NBAS: variants seen among roughly 807,000 people sequenced by gnomAD.
NBAS encodes the protein NBAS subunit of NRZ tethering complex.
NBAS carries 219 observed loss-of-function variants against 302.5 expected under a neutral mutation model. The observed-to-expected ratio is 0.72, with a 90% CI of 0.65 to 0.81. The LOEUF (loss-of-function observed/expected upper bound fraction) is 0.81. NBAS is among the 30% of genes least tolerant of loss of function. NBAS has a pLI of 0.00. For synonymous variants in NBAS, 1,118 were observed against 1,021.6 expected, an observed-to-expected ratio of 1.09 and a Z score of -1.80; for missense variants, 2,932 against 2,841.6, an observed-to-expected ratio of 1.03 and a Z score of -0.72.
chr2:14,989,882 A>G, the NBAS span, among the ~76,000 whole-genome samples: 1 of 152,336 alleles, frequency 6.6e-6, no homozygotes, highest in African/African-American at 2.4e-5. Flanking sequence ...ACACAAGGGA[A>G]TGAGTTAGCT....
chr2:15,400,144 T>C (rs904072644), intron 26 of NBAS, among the ~76,000 whole-genome samples: 1 of 151,684 alleles, frequency 6.6e-6, no homozygotes, highest in African/African-American at 2.4e-5. Flanking sequence ...AGTCCCGGGA[T>C]AATAGATGGA....
chr2:15,178,157 C>T (rs1345703396), intron 51 of NBAS: 4 of 470,298 alleles, frequency 8.5e-6, no homozygotes, highest in Non-Finnish European at 1.8e-5. Context: ...TAGAAGATAT[C>T]CTGCCACATT....
intron 41 of NBAS, among the ~76,000 whole-genome samples, chr2:15,290,344 T>C (rs1670253427): frequency 6.6e-6 from 1 of 152,224 alleles, no homozygotes; most frequent in Non-Finnish European, 1.5e-5. Flanking sequence ...AACACTGCTG[T>C]ATATTTTTCT....
intron 40 of NBAS, among the ~76,000 whole-genome samples, chr2:15,307,532 A>C (rs1297680729): frequency 3.3e-5 from 5 of 152,148 alleles, no homozygotes; most frequent in African/African-American, 1.2e-4. Context: ...TTAATTATCT[A>C]CTCTTAAAAT....
the NBAS span, among the ~76,000 whole-genome samples, chr2:14,954,485 C>A: frequency 6.6e-6 from 1 of 152,128 alleles, no homozygotes; most frequent in South Asian, 2.1e-4. Flanking sequence ...GGAAGCATCC[C>A]TTGTTAGTGA....
the NBAS span, among the ~76,000 whole-genome samples, chr2:15,015,896 A>G: frequency 5.9e-5 from 9 of 152,164 alleles, no homozygotes; most frequent in Non-Finnish European, 1.3e-4. Flanking sequence ...CTACCAAAAA[A>G]AAACTTTTAG....
At chr2:15,359,043 T>G (rs1414978240) in intron 32 of NBAS, among the ~76,000 whole-genome samples, 1 of 152,064 alleles carries the variant, frequency 6.6e-6, no homozygotes, top group African/African-American at 2.4e-5. Flanking sequence ...TCCACAGGAG[T>G]TTCCTGAGAA....
intron 44 of NBAS, among the ~76,000 whole-genome samples, chr2:15,245,844 A>G (rs1668074819): frequency 1.3e-5 from 2 of 152,260 alleles, no homozygotes; most frequent in South Asian, 4.2e-4. Flanking sequence ...AGTCTCTATT[A>G]GACACTCTGG....
At chr2:14,928,567 T>C in the NBAS span, among the ~76,000 whole-genome samples, 4 of 152,204 alleles carry the variant, frequency 2.6e-5, no homozygotes, top group African/African-American at 9.6e-5. Flanking sequence ...AAGAATGATT[T>C]TTATGAGTGA....
chr2:15,258,062 G>A (rs1411428801), intron 44 of NBAS, among the ~76,000 whole-genome samples: 1 of 152,112 alleles, frequency 6.6e-6, no homozygotes, highest in East Asian at 1.9e-4. Flanking sequence ...AATGTTGCGG[G>A]AACTCAGGGA....
chr2:15,187,828 G>T (rs566354702), intron 49 of NBAS, among the ~76,000 whole-genome samples: 24 of 152,322 alleles, frequency 1.6e-4, no homozygotes, highest in Middle Eastern at 3.4e-3. Context: ...GCCCTGAAAA[G>T]AATTTCAAGT....
the NBAS span, among the ~76,000 whole-genome samples, chr2:14,808,996 C>A: frequency 6.6e-6 from 1 of 152,152 alleles, no homozygotes; most frequent in South Asian, 2.1e-4. Flanking sequence ...ATTTGTGGAA[C>A]TTTAAACTTC....
the NBAS span, among the ~76,000 whole-genome samples, chr2:15,143,626 C>T: frequency 6.6e-6 from 1 of 152,136 alleles, no homozygotes; most frequent in South Asian, 2.1e-4. Flanking sequence ...GTGGTGGTTA[C>T]ATAACCTCCA....
chr2:15,217,346 C>G (rs887231397), intron 48 of NBAS, among the ~76,000 whole-genome samples: 1 of 152,148 alleles, frequency 6.6e-6, no homozygotes, highest in Non-Finnish European at 1.5e-5. Context: ...CTCTGAAGAG[C>G]AAACAATAGT....
chr2:15,086,396 T>A, the NBAS span, among the ~76,000 whole-genome samples: 1 of 152,196 alleles, frequency 6.6e-6, no homozygotes, highest in African/African-American at 2.4e-5. Context: ...TATCCTCCAC[T>A]TGTCTGCATA....
At chr2:14,807,945 A>G in the NBAS span, among the ~76,000 whole-genome samples, 6 of 152,202 alleles carry the variant, frequency 3.9e-5, no homozygotes, top group African/African-American at 1.4e-4. Context: ...ACACATGCAC[A>G]TATATACAGA....
At chr2:15,262,257 G>A (rs1045493936) in intron 44 of NBAS, among the ~76,000 whole-genome samples, 4 of 152,178 alleles carry the variant, frequency 2.6e-5, no homozygotes, top group Non-Finnish European at 5.9e-5. Context: ...ACTTTATGGT[G>A]AAACTAACAT....
At chr2:15,322,647 G>T (rs912798977) in intron 38 of NBAS, among the ~76,000 whole-genome samples, 7 of 152,052 alleles carry the variant, frequency 4.6e-5, no homozygotes, top group African/African-American at 1.7e-4. Flanking sequence ...TTATTAAAAA[G>T]TTCTATAAAG....
chr2:14,849,089 G>C, the NBAS span, among the ~76,000 whole-genome samples: 1 of 146,728 alleles, frequency 6.8e-6, no homozygotes, highest in Non-Finnish European at 1.5e-5. Flanking sequence ...TGATTTTGAC[G>C]AGCTGAGAGA....
Sources: gnomAD v4.1 joint callset for allele counts (sites outside exome capture counted in the v4.1 genomes callset) on GRCh38, gnomAD v4.1.1 for gene constraint, MANE v1.5 for transcripts, NCBI Gene and HGNC (gene_info 2026-07-23, HGNC 2026-07-21) for gene names.